Variants in NALF1 observed in about 807,000 individuals in gnomAD.
NALF1 encodes the protein family with sequence similarity 155 member A.
In NALF1, 3 loss-of-function variants were observed where a neutral mutation model predicts 48.4. That is an observed-to-expected ratio of 0.06 (90% CI 0.03 to 0.16). NALF1 has a LOEUF of 0.16. Among genes scored for constraint, NALF1 ranks in the 10% least tolerant of loss-of-function variants. The pLI is 1.00. For synonymous variants in NALF1, 262 were observed against 245.7 expected, an observed-to-expected ratio of 1.07 and a Z score of -0.62; for missense variants, 526 against 571.5, an observed-to-expected ratio of 0.92 and a Z score of 0.81.
At chr13:107,287,706 CTT>C (rs59607599) in intron 1 of NALF1, among the ~76,000 whole-genome samples, 5,086 of 127,836 alleles carry the variant, frequency 0.04, 275 homozygotes, top group East Asian at 0.33. Context: ...TCTTTTCTTT[CTT>C]TTTTTTTTTT....
At chr13:107,657,591 T>C (rs776308153) in intron 1 of NALF1, among the ~76,000 whole-genome samples, 7 of 152,078 alleles carry the variant, frequency 4.6e-5, no homozygotes, top group Non-Finnish European at 1.0e-4. Context: ...TTTAACGCTG[T>C]GGGTAGGAAG....
chr13:107,832,557 G>C lies in NALF1; in HGVS notation c.915+33125C>G, dbSNP rs182982001. 2.8e-3 allele frequency among the ~76,000 whole-genome samples: 419 copies of C among 152,214 alleles called. 2 individuals are homozygous for C. Among genetic ancestry groups the C allele is most frequent in the African/African-American group, 9.7e-3 (404 of 41,530 alleles). Reference sequence around the variant, plus strand: ...CCACACCATCACCCTTCAAAAACTTGTTTGTCTGCCTCTCCCGTCTTACGA... The same window carrying C: ...CCACACCATCACCCTTCAAAAACTTCTTTGTCTGCCTCTCCCGTCTTACGA... On this transcript the variant is annotated intron_variant, in intron 1 of 2. Transcript: ENST00000375915.
chr13:107,804,627 G>T (rs1878719889), intron 1 of NALF1, among the ~76,000 whole-genome samples: 1 of 152,060 alleles, frequency 6.6e-6, no homozygotes, highest in East Asian at 1.9e-4. Context: ...CACTGAATGT[G>T]TTCTTTTTCC....
intron 1 of NALF1, among the ~76,000 whole-genome samples, chr13:107,650,419 A>C (rs1880424738): frequency 8.0e-6 from 1 of 125,784 alleles, no homozygotes; most frequent in African/African-American, 2.8e-5. Flanking sequence ...GGAACAAATT[A>C]ACAGCATTTG....
intron 1 of NALF1, among the ~76,000 whole-genome samples, chr13:107,742,789 C>T (rs1876676035): frequency 6.6e-6 from 1 of 152,300 alleles, no homozygotes; most frequent in South Asian, 2.1e-4. Context: ...CCATTTTGCT[C>T]ATGGGTTATA....
intron 2 of NALF1, among the ~76,000 whole-genome samples, chr13:107,195,297 T>A (rs908344925): frequency 1.3e-5 from 2 of 152,196 alleles, no homozygotes; most frequent in African/African-American, 4.8e-5. Context: ...GAAAATTGTC[T>A]TTCCAGGACT....
intron 1 of NALF1, among the ~76,000 whole-genome samples, chr13:107,307,758 C>G (rs1314303332): frequency 6.6e-6 from 1 of 151,608 alleles, no homozygotes; most frequent in Non-Finnish European, 1.5e-5. Flanking sequence ...CTTTGCGGCA[C>G]TAAAGACAAT....
At chr13:107,863,350 A>C (rs1880628214) in intron 1 of NALF1, among the ~76,000 whole-genome samples, 1 of 152,186 alleles carries the variant, frequency 6.6e-6, no homozygotes, top group Admixed American at 6.5e-5. Flanking sequence ...TGTTAAACTA[A>C]GAAACTATGC....
At chr13:107,825,319 T>G (rs1330983051) in intron 1 of NALF1, among the ~76,000 whole-genome samples, 2 of 152,238 alleles carry the variant, frequency 1.3e-5, no homozygotes, top group South Asian at 2.1e-4. Flanking sequence ...TATATAATTT[T>G]CTTCTCTAAC....
intron 1 of NALF1, among the ~76,000 whole-genome samples, chr13:107,439,922 C>T (rs898789568): frequency 2.6e-5 from 4 of 152,088 alleles, no homozygotes; most frequent in Non-Finnish European, 4.4e-5. Context: ...TATTCTTTAA[C>T]TGTTGGAAAA....
intron 1 of NALF1, among the ~76,000 whole-genome samples, chr13:107,563,100 C>G (rs556913304): frequency 6.6e-6 from 1 of 152,204 alleles, no homozygotes; most frequent in East Asian, 1.9e-4. Context: ...AACAAAAAAC[C>G]ATTTACTGAG....
intron 1 of NALF1, among the ~76,000 whole-genome samples, chr13:107,250,914 T>C (rs1367456217): frequency 6.6e-6 from 1 of 152,170 alleles, no homozygotes; most frequent in Non-Finnish European, 1.5e-5. Flanking sequence ...AGCCATGTAG[T>C]ATGTACCTGC....
At chr13:107,552,063 T>TC (rs1877309524) in intron 1 of NALF1, among the ~76,000 whole-genome samples, 1 of 152,114 alleles carries the variant, frequency 6.6e-6, no homozygotes, top group South Asian at 2.1e-4. Context: ...CAAGAATATA[T>TC]CCCCTCCAGA....
chr13:107,314,087 G>A (rs564450028), intron 1 of NALF1, among the ~76,000 whole-genome samples: 1 of 152,016 alleles, frequency 6.6e-6, no homozygotes, highest in African/African-American at 2.4e-5. Context: ...ATTAGAACAA[G>A]GAAACCAAAA....
intron 1 of NALF1, among the ~76,000 whole-genome samples, chr13:107,365,404 C>T (rs934073650): frequency 1.3e-5 from 2 of 152,048 alleles, no homozygotes; most frequent in Admixed American, 6.5e-5. Context: ...CCTCTGACAG[C>T]CCTGCCGAGA....
At chr13:107,378,423 T>C (rs1028518496) in intron 1 of NALF1, among the ~76,000 whole-genome samples, 2 of 152,058 alleles carry the variant, frequency 1.3e-5, no homozygotes, top group Non-Finnish European at 2.9e-5. Flanking sequence ...TGCATGTCTA[T>C]ATATATAAAT....
At chr13:107,291,726 C>T (rs1260081054) in intron 1 of NALF1, among the ~76,000 whole-genome samples, 1 of 151,896 alleles carries the variant, frequency 6.6e-6, no homozygotes, top group Non-Finnish European at 1.5e-5. Flanking sequence ...CCTACAAAAT[C>T]AAAGATGTAA....
At chr13:107,445,438 C>T (rs72650601) in intron 1 of NALF1, among the ~76,000 whole-genome samples, 7 of 152,110 alleles carry the variant, frequency 4.6e-5, no homozygotes, top group Non-Finnish European at 8.8e-5. Flanking sequence ...AGTATGGATG[C>T]GTCACAGTTT....
At chr13:107,456,762 A>T (rs530730320) in intron 1 of NALF1, among the ~76,000 whole-genome samples, 39 of 152,302 alleles carry the variant, frequency 2.6e-4, no homozygotes, top group African/African-American at 8.4e-4. Flanking sequence ...GTTTATTCTC[A>T]TATTTCCATT....
Sources: allele counts gnomAD v4.1 joint callset (sites outside exome capture counted in the v4.1 genomes callset), GRCh38; gene constraint gnomAD v4.1.1; transcripts MANE v1.5; gene names NCBI Gene and HGNC (gene_info 2026-07-23, HGNC 2026-07-21).